LRP1B: variants seen among roughly 807,000 people sequenced by gnomAD.
LRP1B encodes the protein low-density lipoprotein receptor-related protein 1B.
In LRP1B, 217 loss-of-function variants were observed where a neutral mutation model predicts 556.6. The observed-to-expected ratio is 0.39, with a 90% CI of 0.35 to 0.44. The LOEUF (loss-of-function observed/expected upper bound fraction) is 0.44. LRP1B is among the 20% of genes least tolerant of loss of function. The probability of loss-of-function intolerance (pLI) is 1.00; values close to 1 mark genes in which losing one functional copy is unlikely to be tolerated. For missense variants in LRP1B, 5,053 were observed against 5,620.8 expected, an observed-to-expected ratio of 0.90 and a Z score of 3.23; for synonymous variants, 2,047 against 1,865.8, an observed-to-expected ratio of 1.10 and a Z score of -2.50.
At position 140,959,005 on chromosome 2, in the gene LRP1B, T is replaced by C. The variant is rs138530745; in HGVS notation, c.2888-7065A>G. On this transcript the variant is annotated intron_variant, in intron 18 of 90. Transcript: ENST00000389484. ...AGTGTTTGAAGGAGAAGGACAGCAG[T>C]GTTCAGCGCTGCTCAGATAAGTTAG... 8.7e-5 allele frequency among the ~76,000 whole-genome samples: 13 copies of C among 149,598 alleles called. No individual in the cohort carries two copies. The East Asian group carries it at 2.1e-3, about 25-fold the overall frequency.
rs1379417709 is a variant in LRP1B, at chr2:140,700,513, C to T, written c.6536G>A (p.Gly2179Glu). ...GCCTTCATGCCTCAGGCAAGTAACT[C>T]CATCTTCTGCCAAATATCCATGGGC... ...ACAHGYLAED[G>E]VTCLRHEGYL... The change falls in exon 41 of 91, where the codon GGA becomes GAA. Residue 2179 changes from glycine (G) to glutamate (E), a missense_variant. Around this residue, in one of 5 missense-constraint regions of LRP1B, gnomAD observed 3,619 missense variants for 3,931.9 expected, o/e 0.92. Transcript: ENST00000389484. The T allele has an allele frequency of 6.2e-7, 1 of 1,613,492 alleles. No individual in the cohort carries two copies. The highest frequency in any genetic ancestry group is 1.3e-5 in the African/African-American group (1 of 74,946).
chr2:141,370,043 T>C (rs1689174857), intron 3 of LRP1B, among the ~76,000 whole-genome samples: 2 of 152,176 alleles, frequency 1.3e-5, no homozygotes, highest in Admixed American at 6.5e-5. Context: ...CATTCCTCCA[T>C]TGATAAGACA....
intron 3 of LRP1B, among the ~76,000 whole-genome samples, chr2:141,439,018 T>C (rs1680865800): frequency 6.6e-6 from 1 of 152,166 alleles, no homozygotes; most frequent in Admixed American, 6.5e-5. Flanking sequence ...TTTGATCCAA[T>C]TTGAAAAATT....
intron 2 of LRP1B, among the ~76,000 whole-genome samples, chr2:141,626,722 G>C (rs1310386461): frequency 6.6e-6 from 1 of 152,084 alleles, no homozygotes; most frequent in South Asian, 2.1e-4. Context: ...TATCATCAGG[G>C]AACTGCAAAT....
chr2:140,860,667 A>AT (rs201202162), intron 27 of LRP1B, among the ~76,000 whole-genome samples: 2,492 of 148,300 alleles, frequency 0.017, 63 homozygotes, highest in African/African-American at 0.055. Context: ...TTCTTGAAAG[A>AT]TTTTTTTTTT....
intron 3 of LRP1B, among the ~76,000 whole-genome samples, chr2:141,358,364 C>T (rs1344825005): frequency 1.3e-5 from 2 of 152,104 alleles, no homozygotes; most frequent in African/African-American, 4.8e-5. Context: ...GGCCTTCTGG[C>T]AAAAGTGCAA....
intron 11 of LRP1B, among the ~76,000 whole-genome samples, chr2:141,042,918 A>G (rs1014767869): frequency 2.0e-5 from 3 of 151,696 alleles, no homozygotes; most frequent in Non-Finnish European, 4.4e-5. Context: ...AATTATAAAA[A>G]TCACCGTTGG....
At chr2:141,390,464 A>G (rs1690009028) in intron 3 of LRP1B, among the ~76,000 whole-genome samples, 2 of 152,236 alleles carry the variant, frequency 1.3e-5, no homozygotes, top group Admixed American at 6.5e-5. Flanking sequence ...ATAGTTTAAA[A>G]CAAGTACTCA....
chr2:140,951,960 G>T lies in LRP1B; in HGVS notation c.2888-20C>A. ...GGAATTCTGTGAAAGATATAAAAATGTCCAAAAGGTAACATGTTATTGACT... is the reference window on the plus strand; with the variant it reads ...GGAATTCTGTGAAAGATATAAAAATTTCCAAAAGGTAACATGTTATTGACT... On this transcript the variant is annotated intron_variant, in intron 18 of 90. Transcript: ENST00000389484. 6.5e-7 allele frequency: 1 copy of T among 1,547,636 alleles called. No homozygotes were observed. The highest frequency in any genetic ancestry group is 8.9e-7 in the Non-Finnish European group (1 of 1,119,476).
In LRP1B at chr2:140,705,106, T is replaced by C. The variant is rs776160104; in HGVS notation, c.6024-2553A>G. On this transcript the variant is annotated intron_variant, in intron 37 of 90. Transcript: ENST00000389484. ...AGGCTTTACTAATCCAGGCCTATAT[T>C]GTCTTCCCTAGAATACACTGTCTCA... Among the ~76,000 whole-genome samples the C allele has an allele frequency of 4.6e-5, 7 of 152,282 alleles. No individual in the cohort carries two copies. The East Asian group carries it at 7.7e-4, about 17-fold the overall frequency.
At chr2:140,546,799 T>G (rs1368736874) in intron 43 of LRP1B, among the ~76,000 whole-genome samples, 3 of 152,154 alleles carry the variant, frequency 2.0e-5, no homozygotes, top group Non-Finnish European at 1.5e-5. Context: ...GGCTGTGGAT[T>G]TGTCATAGAT....
At chr2:140,500,659 T>C (rs1689145862) in intron 55 of LRP1B, among the ~76,000 whole-genome samples, 1 of 152,016 alleles carries the variant, frequency 6.6e-6, no homozygotes, top group African/African-American at 2.4e-5. Context: ...ATCCTTCATA[T>C]ACAGTATGTG....
chr2:141,042,096 T>C (rs1437346627), intron 11 of LRP1B, among the ~76,000 whole-genome samples: 5 of 152,122 alleles, frequency 3.3e-5, no homozygotes, highest in Non-Finnish European at 7.4e-5. Flanking sequence ...TCCAAGGTTC[T>C]CTCACATTTC....
chr2:140,485,443 T>C lies in LRP1B; in HGVS notation c.9325A>G (p.Arg3109Gly), dbSNP rs1188011832. 2 of 1,613,888 alleles carry C rather than the reference T, an allele frequency of 1.2e-6. No individual in the cohort carries two copies. The highest frequency in any genetic ancestry group is 2.2e-5 in the East Asian group (1 of 44,842). The change falls in exon 59 of 91, where the codon AGA becomes GGA. Residue 3109 changes from arginine to glycine, a missense_variant. Arg to Gly is a moderately radical substitution (Grantham distance 125). This residue lies in a region of LRP1B where 3,619 missense variants were observed against 3,931.9 expected (regional missense o/e 0.92). Transcript: ENST00000389484. ...TTGAGTTTGGATACTTCAATGATTC[T>C]TTTTTCTGTGTCAGACCAATAGAGG... is the stretch of plus-strand genomic sequence containing the variant. ...KNLYWSDTEKRIIEVSKLNGL... is the reference protein window; with the variant it reads ...KNLYWSDTEKGIIEVSKLNGL...
chr2:142,061,794 T>A (rs1188336301), intron 1 of LRP1B, among the ~76,000 whole-genome samples: 1 of 151,970 alleles, frequency 6.6e-6, no homozygotes, highest in Non-Finnish European at 1.5e-5. Context: ...CTCATTTCAT[T>A]TCGTCTGATA....
At chr2:141,467,852 A>AGGGGGTT (rs1163213986) in intron 3 of LRP1B, among the ~76,000 whole-genome samples, 27 of 133,312 alleles carry the variant, frequency 2.0e-4, no homozygotes, top group Non-Finnish European at 3.4e-4. Context: ...GGGGGGGGGA[A>AGGGGGTT]TTCCAGCATA....
chr2:140,269,191 T>A (rs912353300), intron 86 of LRP1B: 3 of 449,194 alleles, frequency 6.7e-6, no homozygotes, highest in African/African-American at 6.1e-5. Context: ...ATGTGGATGT[T>A]CATGATTTAA....
At chr2:140,283,836 G>A (rs545821471) in intron 84 of LRP1B, among the ~76,000 whole-genome samples, 1 of 151,860 alleles carries the variant, frequency 6.6e-6, no homozygotes, top group South Asian at 2.1e-4. Context: ...GTTTTGGGTT[G>A]AGTAGTTCTT....
chr2:140,902,873 CAAGAT>C, intron 23 of LRP1B, 42 bp downstream of exon 23: 1 of 1,581,360 alleles, frequency 6.3e-7, no homozygotes, highest in Non-Finnish European at 8.6e-7. Context: ...TTGTTTCTTT[CAAGAT>C]CTATTCTTAA....
Sources: allele counts gnomAD v4.1 joint callset (sites outside exome capture counted in the v4.1 genomes callset), GRCh38; gene constraint gnomAD v4.1.1; regional missense constraint gnomAD v4.1.1; transcripts MANE v1.5; gene names NCBI Gene and HGNC (gene_info 2026-07-23, HGNC 2026-07-21).